Variants in NPEPL1 observed in about 807,000 individuals in gnomAD.
The protein encoded by NPEPL1 is probable aminopeptidase NPEPL1.
NPEPL1 carries 45 observed loss-of-function variants against 52.4 expected under a neutral mutation model. The observed-to-expected ratio is 0.86, with a 90% CI of 0.68 to 1.10. The LOEUF (loss-of-function observed/expected upper bound fraction) is 1.10, where lower values mean the gene tolerates loss of function less well. NPEPL1 is among the 50% of genes least tolerant of loss of function. The probability of loss-of-function intolerance (pLI) is 0.00; values close to 1 mark genes in which losing one functional copy is unlikely to be tolerated. For missense variants in NPEPL1, 696 were observed against 710.9 expected, an observed-to-expected ratio of 0.98 and a Z score of 0.24; for synonymous variants, 360 against 314.7, an observed-to-expected ratio of 1.14 and a Z score of -1.52.
chr20:58,692,673 C>A, upstream of NPEPL1: 1 of 342,416 alleles, frequency 2.9e-6, no homozygotes, highest in Non-Finnish European at 4.1e-6. The surrounding 1 kb of genome is among the most constrained non-coding windows in gnomAD (Gnocchi z 5.7). Flanking sequence ...TTCGGGCCTG[C>A]CCGGCCGGGC....
At chr20:58,690,539 G>A (rs2084327601), upstream of NPEPL1, among the ~76,000 whole-genome samples, 1 of 152,238 alleles carries the variant, frequency 6.6e-6, no homozygotes, top group Non-Finnish European at 1.5e-5. Context: ...TGAATCTTGA[G>A]GAAATTGGCA....
intron 11 of NPEPL1, 80 bp from the exon 12 acceptor site, chr20:58,715,088 C>G: frequency 1.4e-6 from 2 of 1,467,522 alleles, no homozygotes; most frequent in Non-Finnish European, 1.8e-6. Flanking sequence ...GGAGGGGACC[C>G]AGGAGGTGAG....
chr20:58,694,450 C>T lies in NPEPL1; in HGVS notation c.365C>T (p.Ala122Val). Residue 122 changes from alanine to valine, a missense_variant, in exon 3 of 12, where the codon GCT (alanine) becomes GTT (valine). Physicochemically the swap from Ala to Val is moderately conservative, Grantham distance 64 (BLOSUM62 0). Transcript: ENST00000356091. ...GTCTGCGAGCAGCCGGAGGTCTTTG[C>T]TTCCGCCTGTGCCCTGGCCCGGGCC... ...VMVCEQPEVF[A>V]SACALARAFP... 1 of 1,613,072 alleles carries T rather than the reference C, an allele frequency of 6.2e-7. No individual in the cohort carries two copies. The highest frequency in any genetic ancestry group is 1.1e-5 in the South Asian group (1 of 90,974).
At chr20:58,693,611 G>A in intron 1 of NPEPL1, 126 bp from the exon 2 acceptor site, 1 of 771,100 alleles carries the variant, frequency 1.3e-6, no homozygotes, top group Admixed American at 2.8e-5. Flanking sequence ...GAAAACGGTG[G>A]CCGGGAGCTG....
chr20:58,711,648 C>T (rs1179988332), intron 7 of NPEPL1: 1 of 152,860 alleles, frequency 6.5e-6, no homozygotes, highest in Non-Finnish European at 1.5e-5. Flanking sequence ...GCTGCCATGC[C>T]CAGCACCACT....
At chr20:58,697,282 C>T (rs114621840) in intron 3 of NPEPL1, among the ~76,000 whole-genome samples, 6 of 152,236 alleles carry the variant, frequency 3.9e-5, no homozygotes, top group East Asian at 1.9e-4. Flanking sequence ...AGCGCTCTTG[C>T]GTCAGAGCCC....
At chr20:58,702,753 T>C (rs997744934) in intron 6 of NPEPL1, among the ~76,000 whole-genome samples, 2 of 152,210 alleles carry the variant, frequency 1.3e-5, no homozygotes, top group African/African-American at 4.8e-5. Flanking sequence ...AACTTTGATT[T>C]TGAAGAGCTC....
At chr20:58,698,867 C>G in intron 4 of NPEPL1, 94 bp downstream of exon 4, 1 of 1,059,360 alleles carries the variant, frequency 9.4e-7, no homozygotes, top group Non-Finnish European at 1.4e-6. Flanking sequence ...CTGTCCACAC[C>G]CTGACGTGGC....
chr20:58,702,011 G>C (rs1381282377), intron 6 of NPEPL1, among the ~76,000 whole-genome samples: 5 of 152,226 alleles, frequency 3.3e-5, no homozygotes, highest in Non-Finnish European at 7.3e-5. Context: ...CTGTGCTCAG[G>C]CCTGGGCTGG....
Position 58,699,213 on chromosome 20 carries a change from G to A in NPEPL1, c.614G>A (p.Gly205Glu). The A allele has an allele frequency of 1.2e-6, 2 of 1,600,762 alleles. No homozygotes were observed. The highest frequency in any genetic ancestry group is 2.3e-5 in the South Asian group (2 of 88,438). The change falls in exon 5 of 12, where the codon GGA (glycine) becomes GAA (glutamate). Residue 205 changes from glycine (G) to glutamate (E), a missense_variant. Coordinates refer to ENST00000356091, the MANE Select transcript of NPEPL1 (RefSeq NM_024663.4). ...DTFLEEINKV[G>E]KELGIIPTII... is the part of the protein sequence containing the mutation. ...CATGTCCAGGAGATTAACAAAGTTGGAAAGGAGCTGGGGATCATCCCAACC... is the reference window on the plus strand; with the variant it reads ...CATGTCCAGGAGATTAACAAAGTTGAAAAGGAGCTGGGGATCATCCCAACC...
chr20:58,692,137 C>T, upstream of NPEPL1: 2 of 411,580 alleles, frequency 4.9e-6, no homozygotes, highest in Non-Finnish European at 8.8e-6. The surrounding 1 kb of genome is among the most constrained non-coding windows in gnomAD (Gnocchi z 5.7). Context: ...GCCCCCCATG[C>T]AGCCAGGCAG....
chr20:58,704,636 GAC>G (rs2084702669), intron 6 of NPEPL1, among the ~76,000 whole-genome samples: 1 of 150,270 alleles, frequency 6.7e-6, no homozygotes, highest in Admixed American at 6.6e-5. Flanking sequence ...CTTAATAGAA[GAC>G]AGCTAGGGAC....
chr20:58,692,805 C>G lies in NPEPL1; in HGVS notation c.-96C>G. ...GGGCCCGCGGGCTGCCGGGCAGGGC[C>G]GGGGCGGTGCCGAGGCCGGGCCGGA... is the stretch of plus-strand genomic sequence containing the variant. On this transcript the variant is annotated 5_prime_UTR_variant, in exon 1 of 12. Coordinates refer to ENST00000356091, the MANE Select transcript of NPEPL1 (RefSeq NM_024663.4). The surrounding 1 kb of genome is among the most constrained non-coding windows in gnomAD (Gnocchi z 5.7). 1 of 973,118 alleles carries G rather than the reference C, an allele frequency of 1.0e-6. No homozygotes were observed. Among genetic ancestry groups the G allele is most frequent in the Non-Finnish European group, 1.2e-6 (1 of 821,822 alleles). 60.3% of individuals were successfully genotyped at this position (973,118 alleles called of 1,614,324 possible).
intron 3 of NPEPL1, among the ~76,000 whole-genome samples, chr20:58,696,966 G>A (rs1286909847): frequency 2.0e-5 from 3 of 152,204 alleles, no homozygotes; most frequent in African/African-American, 7.2e-5. Context: ...TGACACCCAC[G>A]TGGCCTGTAC....
At chr20:58,712,257 G>A (rs897424974) in intron 7 of NPEPL1, among the ~76,000 whole-genome samples, 4 of 152,162 alleles carry the variant, frequency 2.6e-5, no homozygotes, top group Admixed American at 1.3e-4. Flanking sequence ...TGCGGCGGGT[G>A]GCCTCTGCCA....
At chr20:58,712,762 G>A (rs1253934501) in intron 8 of NPEPL1, 183 bp downstream of exon 8, 3 of 687,100 alleles carry the variant, frequency 4.4e-6, no homozygotes, top group Non-Finnish European at 8.0e-6. Flanking sequence ...TCACGTTGAG[G>A]GGCCCATGGC....
chr20:58,696,411 C>G (rs575345936), intron 3 of NPEPL1, among the ~76,000 whole-genome samples: 4 of 152,242 alleles, frequency 2.6e-5, no homozygotes, highest in Admixed American at 6.5e-5. Context: ...CTCCTGTGCT[C>G]CTCACTGGGT....
At chr20:58,706,570 A>G (rs2084735836) in intron 6 of NPEPL1, among the ~76,000 whole-genome samples, 1 of 152,128 alleles carries the variant, frequency 6.6e-6, no homozygotes, top group Admixed American at 6.5e-5. Flanking sequence ...AGGAATCTGC[A>G]ATGGGTGCAG....
At chr20:58,703,810 T>G in intron 6 of NPEPL1, 1 of 984,432 alleles carries the variant, frequency 1.0e-6, no homozygotes, top group Non-Finnish European at 1.2e-6. Context: ...AGCTGTGGTC[T>G]GAGGGTGGCT....
Sources: allele counts gnomAD v4.1 joint callset (sites outside exome capture counted in the v4.1 genomes callset), GRCh38; gene constraint gnomAD v4.1.1; non-coding constraint Gnocchi (gnomAD v3.1); transcripts MANE v1.5; gene names NCBI Gene and HGNC (gene_info 2026-07-23, HGNC 2026-07-21).